MAPRE2: variants seen among roughly 807,000 people sequenced by gnomAD.
MAPRE2 encodes microtubule-associated protein RP/EB family member 2.
A neutral mutation model predicts 43.2 loss-of-function variants in MAPRE2; 13 were observed. That is an observed-to-expected ratio of 0.30 (90% CI 0.20 to 0.48). MAPRE2 has a LOEUF of 0.48. Among genes scored for constraint, MAPRE2 ranks in the 20% least tolerant of loss-of-function variants. The pLI is 0.99. For missense variants in MAPRE2, 161 were observed against 400.2 expected, an observed-to-expected ratio of 0.40 and a Z score of 5.10; for synonymous variants, 135 against 148.8, an observed-to-expected ratio of 0.91 and a Z score of 0.68.
chr18:35,095,363 T>TACACAC (rs34361204), intron 2 of MAPRE2, among the ~76,000 whole-genome samples: 4,211 of 136,108 alleles, frequency 0.031, 90 homozygotes, highest in Middle Eastern at 0.1. Context: ...TTTAAGAAAA[T>TACACAC]ACACACACAC....
intron 2 of MAPRE2, among the ~76,000 whole-genome samples, chr18:35,083,264 A>T (rs1372158693): frequency 6.6e-6 from 1 of 152,232 alleles, no homozygotes; most frequent in Non-Finnish European, 1.5e-5. Context: ...GAAGGGTAAT[A>T]CAAGTGTGTG....
intron 1 of MAPRE2, chr18:34,978,278 T>TA (rs1250292541): frequency 1.7e-6 from 1 of 583,236 alleles, no homozygotes. Context: ...TCACTAAAAA[T>TA]ACTATCGTGC....
At chr18:35,114,446 T>C (rs1909318664) in intron 4 of MAPRE2, among the ~76,000 whole-genome samples, 1 of 152,214 alleles carries the variant, frequency 6.6e-6, no homozygotes, top group Non-Finnish European at 1.5e-5. Context: ...GTAGAGTTAC[T>C]GTCTACATTT....
At chr18:35,127,161 G>A (rs1161921720) in intron 5 of MAPRE2, 74 bp downstream of exon 5, 3 of 1,493,996 alleles carry the variant, frequency 2.0e-6, no homozygotes, top group African/African-American at 2.8e-5. Flanking sequence ...GGATCCCCTA[G>A]GACTGGGGTA....
chr18:35,038,358 A>G (rs1258751431), upstream of MAPRE2, among the ~76,000 whole-genome samples: 1 of 152,144 alleles, frequency 6.6e-6, no homozygotes, highest in African/African-American at 2.4e-5. Context: ...CCTCTCCTTA[A>G]CCATACTAAG....
chr18:35,004,932 A>T (rs2097031123), intron 1 of MAPRE2, among the ~76,000 whole-genome samples: 1 of 151,970 alleles, frequency 6.6e-6, no homozygotes. Context: ...AAAAAAAAAA[A>T]AGAAAAGAAA....
At chr18:35,003,514 T>C (rs754078027) in intron 1 of MAPRE2, among the ~76,000 whole-genome samples, 3 of 152,218 alleles carry the variant, frequency 2.0e-5, no homozygotes, top group Non-Finnish European at 4.4e-5. Flanking sequence ...GTTCAATAAA[T>C]AATGTCATTC....
At chr18:34,985,272 AATATAAT>A (rs2097019183) in intron 1 of MAPRE2, among the ~76,000 whole-genome samples, 1 of 27,872 alleles carries the variant, frequency 3.6e-5, no homozygotes, top group Non-Finnish European at 6.3e-5. Context: ...TATATTATAT[AATATAAT>A]ATATTATATA....
At chr18:35,096,846 T>G (rs1162021933) in intron 2 of MAPRE2, among the ~76,000 whole-genome samples, 1 of 152,096 alleles carries the variant, frequency 6.6e-6, no homozygotes, top group East Asian at 1.9e-4. Context: ...TTAGTAATAC[T>G]TAATACTTAA....
chr18:35,001,822 A>G (rs1440965273), intron 1 of MAPRE2, among the ~76,000 whole-genome samples: 2 of 152,212 alleles, frequency 1.3e-5, no homozygotes, highest in East Asian at 3.8e-4. Context: ...AATAAAACTA[A>G]TGTATCTTGC....
Position 35,076,300 on chromosome 18 carries a change from AAGACCAG to A in MAPRE2, c.250+5985_250+5991del, listed in dbSNP as rs139342740. Among the ~76,000 whole-genome samples the A allele has an allele frequency of 5.2e-3, 785 of 152,336 alleles. 6 individuals are homozygous for A. The highest frequency in any genetic ancestry group is 0.018 in the African/African-American group (768 of 41,576). On this transcript the variant is annotated intron_variant, in intron 2 of 6. Transcript: ENST00000300249. ...AGTACAGCAGAGTACTGTCCTACAA[AAGACCAG>A]AGACCACACTGTGGTAAGTGCTGGT...
intron 1 of MAPRE2, among the ~76,000 whole-genome samples, chr18:34,999,747 C>A (rs1479886854): frequency 6.6e-6 from 1 of 152,114 alleles, no homozygotes; most frequent in Non-Finnish European, 1.5e-5. Flanking sequence ...CAGACTTAAC[C>A]CAAGATTCAG....
chr18:35,114,997 T>G (rs1244913293), intron 4 of MAPRE2, among the ~76,000 whole-genome samples: 1 of 152,206 alleles, frequency 6.6e-6, no homozygotes, highest in Non-Finnish European at 1.5e-5. Flanking sequence ...TCTGTGAACC[T>G]ATTTTTCTTT....
At chr18:35,014,930 A>G (rs780793522) in intron 2 of MAPRE2, among the ~76,000 whole-genome samples, 22 of 152,116 alleles carry the variant, frequency 1.4e-4, no homozygotes, top group Non-Finnish European at 2.9e-4. Flanking sequence ...GGATCTAGTT[A>G]AGTAACAGTC....
At chr18:35,035,796 C>G (rs893417286) in intron 2 of MAPRE2, among the ~76,000 whole-genome samples, 1 of 146,266 alleles carries the variant, frequency 6.8e-6, no homozygotes, top group African/African-American at 2.5e-5. Flanking sequence ...TTCACAGTCT[C>G]TTTTTGCAGG....
Position 35,095,392 on chromosome 18 carries a change from A to ACACACACG in MAPRE2, c.251-2047_251-2046insGCACACAC, listed in dbSNP as rs1555917939. ...CACACACACACACACACACACACAC[A>ACACACACG]CACACACACGCACACACACACTCCT... is the stretch of plus-strand genomic sequence containing the variant. On this transcript the variant is annotated intron_variant, in intron 2 of 6. Coordinates refer to ENST00000300249, the MANE Select transcript of MAPRE2 (RefSeq NM_014268.4). Among the ~76,000 whole-genome samples, 331 of 149,620 alleles carry ACACACACG rather than the reference A, an allele frequency of 2.2e-3. 1 individual carries two copies. The highest frequency in any genetic ancestry group is 7.8e-3 in the African/African-American group (310 of 39,770).
At chr18:34,988,922 GATT>G (rs2097022389) in intron 1 of MAPRE2, 1 of 152,088 alleles carries the variant, frequency 6.6e-6, no homozygotes, top group African/African-American at 2.4e-5. Flanking sequence ...CTCAGGAAAT[GATT>G]ATTACCACAT....
intron 2 of MAPRE2, among the ~76,000 whole-genome samples, chr18:35,013,755 C>T (rs1036227513): frequency 3.3e-5 from 5 of 152,108 alleles, no homozygotes; most frequent in South Asian, 4.1e-4. Flanking sequence ...ATAGCTTTCA[C>T]GTATTAGTGA....
chr18:34,987,926 A>G (rs562627249), intron 1 of MAPRE2, among the ~76,000 whole-genome samples: 34 of 152,184 alleles, frequency 2.2e-4, no homozygotes, highest in Non-Finnish European at 4.1e-4. Flanking sequence ...TACAGGCATG[A>G]GCCACCGCAC....
Sources: gnomAD v4.1 joint callset for allele counts (sites outside exome capture counted in the v4.1 genomes callset) on GRCh38, gnomAD v4.1.1 for gene constraint, MANE v1.5 for transcripts, NCBI Gene and HGNC (gene_info 2026-07-23, HGNC 2026-07-21) for gene names.